HPGDS: variants seen among roughly 807,000 people sequenced by gnomAD.
HPGDS encodes GST class-sigma.
In HPGDS, 26 loss-of-function variants were observed where a neutral mutation model predicts 23.1. The observed-to-expected ratio is 1.13, with a 90% CI of 0.83 to 1.56. The LOEUF is 1.56. HPGDS is among the 40% of genes most tolerant of loss of function. The pLI, the probability that HPGDS is intolerant of heterozygous loss-of-function variation, is 0.00. For missense variants in HPGDS, 268 were observed against 236.4 expected (o/e 1.13, Z -0.88); for synonymous variants, 95 against 77.9 (o/e 1.22, Z -1.16).
Position 94,317,875 on chromosome 4 carries a change from G to T in HPGDS, c.224C>A (p.Thr75Lys), listed in dbSNP as rs762210757. The T allele has an allele frequency of 1.9e-6, 3 of 1,577,186 alleles. No homozygotes were observed. The highest frequency in any genetic ancestry group is 2.6e-6 in the Non-Finnish European group (3 of 1,147,924). The change falls in exon 3 of 6, where the codon ACA becomes AAA. Residue 75 changes from threonine to lysine, a missense_variant and splice_region_variant. Physicochemically the swap from Thr to Lys is moderately conservative, Grantham distance 78. Coordinates refer to ENST00000295256, the MANE Select transcript of HPGDS (RefSeq NM_014485.3). ...CTTAAGCACAATAAACATGTTACCTGTGTTTTTGGTCAAATATCTTGCTAT... is the reference window on the plus strand; with the variant it reads ...CTTAAGCACAATAAACATGTTACCTTTGTTTTTGGTCAAATATCTTGCTAT... ...LAIARYLTKN[T>K]DLAGNTEMEQ...
chr4:94,302,911 T>C (rs899437871), intron 4 of HPGDS, among the ~76,000 whole-genome samples: 3 of 152,142 alleles, frequency 2.0e-5, no homozygotes, highest in African/African-American at 7.2e-5. Flanking sequence ...TCATCATTTT[T>C]CTACTTAAAG....
At chr4:94,319,271 T>C (rs1756457183) in intron 2 of HPGDS, among the ~76,000 whole-genome samples, 1 of 152,254 alleles carries the variant, frequency 6.6e-6, no homozygotes, top group Non-Finnish European at 1.5e-5. Flanking sequence ...TATTATATAA[T>C]GACTTTTTCT....
intron 2 of HPGDS, among the ~76,000 whole-genome samples, chr4:94,323,886 C>T (rs183336925): frequency 2.7e-4 from 41 of 152,260 alleles, no homozygotes; most frequent in African/African-American, 9.4e-4. Flanking sequence ...CATGTTTTTG[C>T]AGGGGCTGGT....
chr4:94,308,587 C>T (rs779312994), intron 4 of HPGDS, 47 bp downstream of exon 4: 17 of 918,382 alleles, frequency 1.9e-5, no homozygotes, highest in Non-Finnish European at 2.8e-5. Flanking sequence ...CAATGTCTGG[C>T]AGGTGGTATA....
chr4:94,324,585 T>G (rs1756590919), intron 2 of HPGDS, among the ~76,000 whole-genome samples: 1 of 152,236 alleles, frequency 6.6e-6, no homozygotes, highest in South Asian at 2.1e-4. Flanking sequence ...CATGATGTTC[T>G]CATCCCATGG....
At chr4:94,303,600 G>C (rs1756086509) in intron 4 of HPGDS, among the ~76,000 whole-genome samples, 1 of 152,140 alleles carries the variant, frequency 6.6e-6, no homozygotes, top group Non-Finnish European at 1.5e-5. Flanking sequence ...GAAAACATTA[G>C]TTATGAGTCT....
At chr4:94,309,295 G>A (rs557564042) in intron 3 of HPGDS, among the ~76,000 whole-genome samples, 18 of 67,916 alleles carry the variant, frequency 2.7e-4, no homozygotes, top group East Asian at 1.3e-3. Context: ...AACAGGCCCC[G>A]GTGTGTGATG....
At chr4:94,306,483 G>A (rs139131136) in intron 4 of HPGDS, among the ~76,000 whole-genome samples, 27 of 152,180 alleles carry the variant, frequency 1.8e-4, no homozygotes, top group African/African-American at 6.3e-4. Flanking sequence ...CCTGTGAAGG[G>A]AAAGCCAAGA....
chr4:94,308,795 G>T, intron 3 of HPGDS, 52 bp from the exon 4 acceptor site: 1 of 1,029,430 alleles, frequency 9.7e-7, no homozygotes, highest in Non-Finnish European at 1.5e-6. Flanking sequence ...ATATTAAAAA[G>T]TTTGTTTTTA....
intron 1 of HPGDS, among the ~76,000 whole-genome samples, chr4:94,337,051 G>A (rs746684427): frequency 5.9e-5 from 9 of 152,128 alleles, no homozygotes; most frequent in East Asian, 1.9e-4. Flanking sequence ...TGCAACCTCC[G>A]CCTCCTGGAT....
intron 2 of HPGDS, among the ~76,000 whole-genome samples, chr4:94,325,183 G>C (rs1041603854): frequency 6.6e-6 from 1 of 152,176 alleles, no homozygotes; most frequent in Non-Finnish European, 1.5e-5. Flanking sequence ...AGCTGTATGA[G>C]GTGTCAGTCA....
chr4:94,320,002 A>T (rs1488067395), intron 2 of HPGDS, among the ~76,000 whole-genome samples: 1 of 152,172 alleles, frequency 6.6e-6, no homozygotes, highest in Non-Finnish European at 1.5e-5. Context: ...ATGAGTGAGA[A>T]CATGCAGTGT....
chr4:94,327,503 C>T (rs1756656974), intron 2 of HPGDS, among the ~76,000 whole-genome samples: 1 of 152,036 alleles, frequency 6.6e-6, no homozygotes, highest in African/African-American at 2.4e-5. Context: ...CACATAAATG[C>T]TAGTGGTGAT....
intron 4 of HPGDS, among the ~76,000 whole-genome samples, chr4:94,305,042 A>C (rs1756114922): frequency 6.6e-6 from 1 of 152,114 alleles, no homozygotes; most frequent in Admixed American, 6.5e-5. Flanking sequence ...TACAGATGCC[A>C]TGTCTGACAA....
rs765429824 is a variant in HPGDS at position 94,299,539 on chromosome 4, C to G, written c.541G>C (p.Val181Leu). 6.2e-7 allele frequency: 1 copy of G among 1,613,910 alleles called. No homozygotes were observed. Among genetic ancestry groups the G allele is most frequent in the Admixed American group, 1.7e-5 (1 of 59,988 alleles). Reference sequence around the variant, plus strand: ...TTAGCGACGGCAGGAATGGCTTGGACTTTCTTCCGTAAAGTCACCAGCCTT... The same window carrying G: ...TTAGCGACGGCAGGAATGGCTTGGAGTTTCTTCCGTAAAGTCACCAGCCTT... Reference protein sequence around the residue: ...HPRLVTLRKKVQAIPAVANWI... With the variant: ...HPRLVTLRKKLQAIPAVANWI... The change falls in exon 6 of 6, where the codon GTC becomes CTC. Residue 181 changes from valine (V) to leucine (L), a missense_variant. Transcript: ENST00000295256.
At chr4:94,339,344 T>C (rs1721088280) in intron 1 of HPGDS, among the ~76,000 whole-genome samples, 3 of 152,232 alleles carry the variant, frequency 2.0e-5, no homozygotes, top group Admixed American at 2.0e-4. Context: ...AAGCTGATTG[T>C]GTTTGAAGAT....
At chr4:94,341,058 A>G (rs1249678605) in intron 1 of HPGDS, among the ~76,000 whole-genome samples, 9 of 149,850 alleles carry the variant, frequency 6.0e-5, no homozygotes, top group Non-Finnish European at 1.2e-4. Context: ...GTTGGCCAGG[A>G]CCTCCTAACC....
At chr4:94,340,312 T>TTTCTTTTTCTTTTC (rs1721129420) in intron 1 of HPGDS, among the ~76,000 whole-genome samples, 1 of 6,684 alleles carries the variant, frequency 1.5e-4, no homozygotes, top group East Asian at 2.7e-3. Context: ...TTTCTTTCTC[T>TTTCTTTTTCTTTTC]TTTTTTTTTT....
At chr4:94,335,361 G>A (rs773819789) in intron 1 of HPGDS, among the ~76,000 whole-genome samples, 2 of 152,158 alleles carry the variant, frequency 1.3e-5, no homozygotes, top group Non-Finnish European at 2.9e-5. Context: ...TGCTAATACC[G>A]ACGAATTCAG....
Sources: allele counts gnomAD v4.1 joint callset (sites outside exome capture counted in the v4.1 genomes callset), GRCh38; gene constraint gnomAD v4.1.1; transcripts MANE v1.5; gene names NCBI Gene and HGNC (gene_info 2026-07-23, HGNC 2026-07-21).